The following PZP variants were observed in gnomAD, a reference collection of about 807,000 sequenced individuals.
PZP encodes the protein pregnancy zone protein.
In PZP, 150 loss-of-function variants were observed where a neutral mutation model predicts 179.8. The ratio of observed to expected loss-of-function variants is 0.83; its 90% CI spans 0.73 to 0.96. The LOEUF (loss-of-function observed/expected upper bound fraction) is 0.96, where lower values mean the gene tolerates loss of function less well. Among genes scored for constraint, PZP ranks in the 40% least tolerant of loss-of-function variants. The probability of loss-of-function intolerance (pLI) is 0.00; values close to 1 mark genes in which losing one functional copy is unlikely to be tolerated. For synonymous variants in PZP, 624 were observed against 652.3 expected (o/e 0.96, Z 0.66); for missense variants, 1,689 against 1,764.0 (o/e 0.96, Z 0.76).
intron 20 of PZP, 137 bp downstream of exon 20, chr12:9,163,996 G>T: frequency 7.8e-7 from 1 of 1,287,662 alleles, no homozygotes; most frequent in Non-Finnish European, 1.1e-6. Flanking sequence ...GGAGGTCATA[G>T]TGGATAGAAA....
rs750683298 is a variant in PZP, at chr12:9,157,249, G to A, written c.3476C>T (p.Ala1159Val). 18 of 1,614,032 alleles carry A rather than the reference G, an allele frequency of 1.1e-5. No individual in the cohort carries two copies. Among genetic ancestry groups the A allele is most frequent in the Non-Finnish European group, 1.4e-5 (16 of 1,180,016 alleles). The change falls in exon 28 of 36, where the codon GCT (alanine) becomes GTT (valine). Residue 1159 changes from alanine (A) to valine (V), a missense_variant. Ala to Val is a moderately conservative substitution (Grantham distance 64, BLOSUM62 0). Around this residue, in one of 3 missense-constraint regions of PZP, gnomAD observed 746 missense variants for 749.2 expected, o/e 1.00. Transcript: ENST00000261336. ...HVYTKALLAYAFSLLGKQNQN... is the reference protein window; with the variant it reads ...HVYTKALLAYVFSLLGKQNQN... ...ATTTTGCTTTCCCAGTAGGGAAAAA[G>A]CATAGGCCAGCAATGCCTTGGTGTA...
chr12:9,158,412 C>T lies in PZP; in HGVS notation c.3294+8G>A. On this transcript the variant is annotated splice_region_variant and intron_variant, in intron 26 of 35. Coordinates refer to ENST00000261336, the MANE Select transcript of PZP (RefSeq NM_002864.3). The stretch of plus-strand genomic sequence containing the variant: ...GTGTCAGGCTCAGAAGTTTGTGGAA[C>T]AGTTCACCTTTATGGCATTGTTGAG... 1 of 1,613,948 alleles carries T rather than the reference C, an allele frequency of 6.2e-7. No individual in the cohort carries two copies.
At chr12:9,196,290 C>T in intron 10 of PZP, 40 bp downstream of exon 10, 1 of 1,428,128 alleles carries the variant, frequency 7.0e-7, no homozygotes, top group South Asian at 1.2e-5. Context: ...TTAGGTGCAA[C>T]TGGATACTTT....
Position 9,157,205 on chromosome 12 carries a change from T to C in PZP, c.3520A>G (p.Asn1174Asp). 6.2e-7 allele frequency: 1 copy of C among 1,614,042 alleles called. No homozygotes were observed. The highest frequency in any genetic ancestry group is 1.1e-5 in the South Asian group (1 of 91,060). The part of the protein sequence containing the change: ...GKQNQNREIL[N>D]SLDKEAVKED... The stretch of plus-strand genomic sequence containing the variant: ...TTCACAGCTTCCTTATCAAGTGAGT[T>C]CAGTATTTCTCTATTCTGATTTTGC... Residue 1174 changes from asparagine to aspartate, a missense_variant, in exon 28 of 36, where the codon AAC becomes GAC. Asn to Asp is a conservative substitution (Grantham distance 23). Transcript: ENST00000261336.
chr12:9,151,680 G>A lies in PZP; in HGVS notation c.4213-8C>T, dbSNP rs777999876. 1.2e-6 allele frequency: 2 copies of A among 1,612,144 alleles called. No individual in the cohort carries two copies. Among genetic ancestry groups the A allele is most frequent in the African/African-American group, 1.3e-5 (1 of 74,890 alleles). ...AGAGCTAGATCTTTCAAGCTGGAGA[G>A]AATTAGAAAACTTCAGTTAAAGTTA... On this transcript the variant is annotated splice_region_variant and splice_polypyrimidine_tract_variant and intron_variant, in intron 32 of 35. Coordinates refer to ENST00000261336, the MANE Select transcript of PZP (RefSeq NM_002864.3).
intron 15 of PZP, among the ~76,000 whole-genome samples, chr12:9,180,522 C>A (rs1293665686): frequency 6.6e-6 from 1 of 152,166 alleles, no homozygotes; most frequent in African/African-American, 2.4e-5. Flanking sequence ...TGATCTTCGA[C>A]AAACCTGAGA....
chr12:9,177,448 A>G (rs1281400938), intron 15 of PZP, among the ~76,000 whole-genome samples: 1 of 152,222 alleles, frequency 6.6e-6, no homozygotes, highest in African/African-American at 2.4e-5. Flanking sequence ...GTCACAAGCT[A>G]GACCCACCTA....
chr12:9,152,038 CTGG>C (rs1346675695), intron 32 of PZP, among the ~76,000 whole-genome samples, 179 bp downstream of exon 32: 1 of 152,134 alleles, frequency 6.6e-6, no homozygotes, highest in Admixed American at 6.5e-5. Flanking sequence ...GTGCATTTCT[CTGG>C]TATCACATAT....
At position 9,164,139 on chromosome 12, in the gene PZP, T is replaced by A. The variant is rs1451740993; in HGVS notation, c.2608A>T (p.Thr870Ser). 1 of 1,610,992 alleles carries A rather than the reference T, an allele frequency of 6.2e-7. No homozygotes were observed. The highest frequency in any genetic ancestry group is 8.5e-7 in the Non-Finnish European group (1 of 1,177,574). The change falls in exon 20 of 36, where the codon ACT becomes TCT. Residue 870 changes from threonine (T) to serine (S), a missense_variant. By Grantham distance (58) the Thr-to-Ser change is moderately conservative. Coordinates refer to ENST00000261336, the MANE Select transcript of PZP (RefSeq NM_002864.3). ...TTTGGGTACTGTCACTCACCCAGAG[T>A]TTTAGGAGTCACTGTCCAAGACAAG... Reference protein sequence around the residue: ...QTLSWTVTPKTLGNVNFSVSA... With the variant: ...QTLSWTVTPKSLGNVNFSVSA...
Position 9,196,454 on chromosome 12 carries a change from G to T in PZP, c.983-15C>A. On this transcript the variant is annotated splice_polypyrimidine_tract_variant and intron_variant, in intron 9 of 35. Transcript: ENST00000261336. ...GACTTCCAGGTCTGAAAAATATAAAGAGTCAGTACTTTTAGAAGTTACTTT... is the reference window on the plus strand; with the variant it reads ...GACTTCCAGGTCTGAAAAATATAAATAGTCAGTACTTTTAGAAGTTACTTT... The T allele has an allele frequency of 3.1e-6, 5 of 1,592,600 alleles. No individual in the cohort carries two copies. Among genetic ancestry groups the T allele is most frequent in the Non-Finnish European group, 4.3e-6 (5 of 1,161,052 alleles).
intron 15 of PZP, among the ~76,000 whole-genome samples, chr12:9,175,397 C>T (rs1029226221): frequency 6.6e-6 from 1 of 152,042 alleles, no homozygotes; most frequent in Non-Finnish European, 1.5e-5. Context: ...AGGAGATAGG[C>T]GCAGGCAAAG....
At chr12:9,194,539 A>ACCT (rs1425713835) in intron 10 of PZP, among the ~76,000 whole-genome samples, 1 of 139,708 alleles carries the variant, frequency 7.2e-6, no homozygotes, top group Non-Finnish European at 1.5e-5. Context: ...ATCTCGGCTC[A>ACCT]CTGCAAGCTC....
chr12:9,142,515 ACGTGAAC>A, the PZP span, among the ~76,000 whole-genome samples: 1 of 152,242 alleles, frequency 6.6e-6, no homozygotes, highest in African/African-American at 2.4e-5. Context: ...GATTAAAGTC[ACGTGAAC>A]TGAAAGGTCC....
chr12:9,147,205 G>A (rs781307209), downstream of PZP, among the ~76,000 whole-genome samples: 4 of 152,190 alleles, frequency 2.6e-5, no homozygotes, highest in Non-Finnish European at 5.9e-5. Flanking sequence ...CTGCTGACCA[G>A]GGAGAAGGAT....
intron 10 of PZP, among the ~76,000 whole-genome samples, chr12:9,195,856 A>G (rs1943745555): frequency 7.1e-6 from 1 of 140,198 alleles, no homozygotes; most frequent in Non-Finnish European, 1.6e-5. Context: ...TATAAGTTAA[A>G]CATATAAAAA....
intron 13 of PZP, among the ~76,000 whole-genome samples, chr12:9,183,072 A>G (rs1565650292): frequency 1.3e-5 from 2 of 152,238 alleles, no homozygotes; most frequent in South Asian, 2.1e-4. Flanking sequence ...TAGGACAAGG[A>G]CAATTAGAAT....
chr12:9,154,368 G>A (rs940665650), intron 29 of PZP, among the ~76,000 whole-genome samples: 3 of 152,174 alleles, frequency 2.0e-5, no homozygotes, highest in African/African-American at 7.2e-5. Context: ...TGACCATAGC[G>A]TGGCTTTAGA....
intron 13 of PZP, among the ~76,000 whole-genome samples, chr12:9,182,508 A>C (rs1399297505): frequency 6.6e-6 from 1 of 152,210 alleles, no homozygotes; most frequent in Non-Finnish European, 1.5e-5. Context: ...AGATATAATA[A>C]GTTTATTTTG....
intron 6 of PZP, 77 bp from the exon 7 acceptor site, chr12:9,200,525 A>G (rs1944094714): frequency 8.6e-7 from 1 of 1,168,852 alleles, no homozygotes; most frequent in South Asian, 1.4e-5. Context: ...GTATGTCTAT[A>G]ATTTTTCCCA....
Sources: allele counts gnomAD v4.1 joint callset (sites outside exome capture counted in the v4.1 genomes callset), GRCh38; gene constraint gnomAD v4.1.1; regional missense constraint gnomAD v4.1.1; transcripts MANE v1.5; gene names NCBI Gene and HGNC (gene_info 2026-07-23, HGNC 2026-07-21).